CADM2: variants seen among roughly 807,000 people sequenced by gnomAD.
The protein encoded by CADM2 is cell adhesion molecule 2, also known as immunoglobulin superfamily member 4D.
In CADM2, 12 loss-of-function variants were observed where a neutral mutation model predicts 49.8. The observed-to-expected ratio is 0.24, with a 90% CI of 0.15 to 0.39. The LOEUF (loss-of-function observed/expected upper bound fraction) is 0.39, where lower values mean the gene tolerates loss of function less well. Among genes scored for constraint, CADM2 ranks in the 10% least tolerant of loss-of-function variants. CADM2 has a pLI of 1.00. For synonymous variants in CADM2, 214 were observed against 175.4 expected, an observed-to-expected ratio of 1.22 and a Z score of -1.74; for missense variants, 378 against 492.3, an observed-to-expected ratio of 0.77 and a Z score of 2.20.
intron 1 of CADM2, among the ~76,000 whole-genome samples, chr3:85,109,453 G>T (rs2038370423): frequency 6.6e-6 from 1 of 151,814 alleles, no homozygotes; most frequent in Admixed American, 6.6e-5. Flanking sequence ...GAAAAGTAGG[G>T]GGGGAAATAG....
intron 1 of CADM2, among the ~76,000 whole-genome samples, chr3:85,077,056 AAAC>A (rs1415611923): frequency 2.6e-5 from 4 of 152,212 alleles, no homozygotes; most frequent in Admixed American, 2.0e-4. Context: ...GCCTTAATCA[AAAC>A]AACTTGGGAA....
intron 2 of CADM2, among the ~76,000 whole-genome samples, chr3:85,732,014 A>G (rs1530705): frequency 0.94 from 140,263 of 149,838 alleles, 65,775 homozygotes; most frequent in East Asian, 1. Flanking sequence ...TTTGGAGGCC[A>G]AGGCAAGTGG....
intron 7 of CADM2, among the ~76,000 whole-genome samples, chr3:85,946,098 A>G (rs1374254109): frequency 1.3e-5 from 2 of 152,156 alleles, no homozygotes; most frequent in Non-Finnish European, 2.9e-5. Context: ...ATACAAAATC[A>G]ATGTACAAAA....
At chr3:85,921,987 C>G (rs1719178372) in intron 6 of CADM2, among the ~76,000 whole-genome samples, 1 of 152,070 alleles carries the variant, frequency 6.6e-6, no homozygotes, top group Non-Finnish European at 1.5e-5. Context: ...TCCTTTTTCA[C>G]CAGTACCTTA....
At chr3:85,501,662 C>A (rs1045451601) in intron 1 of CADM2, among the ~76,000 whole-genome samples, 5 of 151,998 alleles carry the variant, frequency 3.3e-5, no homozygotes, top group Non-Finnish European at 5.9e-5. Context: ...TATGTATTTA[C>A]ATATTCTTTT....
chr3:85,589,751 G>C (rs2063051619), intron 1 of CADM2, among the ~76,000 whole-genome samples: 1 of 151,808 alleles, frequency 6.6e-6, no homozygotes, highest in Non-Finnish European at 1.5e-5. Context: ...ATAATCATTG[G>C]CAATTTCCTG....
chr3:85,226,700 G>T (rs1271207306), intron 1 of CADM2, among the ~76,000 whole-genome samples: 3 of 151,770 alleles, frequency 2.0e-5, no homozygotes, highest in Non-Finnish European at 4.4e-5. Context: ...TGCTTCTCTA[G>T]TTCTTTTAAT....
intron 1 of CADM2, among the ~76,000 whole-genome samples, chr3:85,255,484 C>T (rs758325464): frequency 6.6e-6 from 1 of 151,908 alleles, no homozygotes; most frequent in African/African-American, 2.4e-5. Flanking sequence ...AATCTTGGCT[C>T]TAACACTTTG....
intron 1 of CADM2, among the ~76,000 whole-genome samples, chr3:85,350,353 C>A (rs1182975125): frequency 6.6e-6 from 1 of 152,062 alleles, no homozygotes; most frequent in Non-Finnish European, 1.5e-5. Flanking sequence ...TTAACATTTT[C>A]TAAAATTAAA....
At chr3:85,830,723 G>T (rs79817779) in intron 3 of CADM2, among the ~76,000 whole-genome samples, 6,504 of 151,612 alleles carry the variant, frequency 0.043, 487 homozygotes, top group African/African-American at 0.15. Context: ...TCTTTTGCAT[G>T]CTAATATCCA....
At chr3:85,080,474 C>T (rs2037120789) in intron 1 of CADM2, among the ~76,000 whole-genome samples, 3 of 152,018 alleles carry the variant, frequency 2.0e-5, no homozygotes, top group South Asian at 4.1e-4. Flanking sequence ...TCATAGACAT[C>T]AGATACATTA....
chr3:85,862,818 A>G (rs1304619905), intron 3 of CADM2, among the ~76,000 whole-genome samples: 1 of 152,174 alleles, frequency 6.6e-6, no homozygotes, highest in Non-Finnish European at 1.5e-5. Context: ...GTGAATTTGA[A>G]TGTTGATTAT....
At chr3:85,681,722 C>A (rs2066043959) in intron 1 of CADM2, among the ~76,000 whole-genome samples, 1 of 152,024 alleles carries the variant, frequency 6.6e-6, no homozygotes, top group Admixed American at 6.6e-5. Context: ...CCATTTTATT[C>A]CTATTAACCC....
chr3:86,036,534 A>G (rs1735188647), intron 8 of CADM2, among the ~76,000 whole-genome samples: 1 of 152,170 alleles, frequency 6.6e-6, no homozygotes, highest in Non-Finnish European at 1.5e-5. Context: ...TCTCTCTCCA[A>G]GGTGTTGGAC....
intron 1 of CADM2, among the ~76,000 whole-genome samples, chr3:85,364,775 G>A (rs1205648064): frequency 6.6e-6 from 1 of 152,060 alleles, no homozygotes; most frequent in Non-Finnish European, 1.5e-5. Flanking sequence ...AAAGCATCCT[G>A]GCAGACAGAT....
At chr3:85,591,985 CT>C (rs2107346459) in intron 1 of CADM2, among the ~76,000 whole-genome samples, 1 of 151,836 alleles carries the variant, frequency 6.6e-6, no homozygotes, top group Non-Finnish European at 1.5e-5. Flanking sequence ...AATCAGGTAA[CT>C]TCCTGGATTC....
chr3:86,054,430 T>A (rs1737682823), intron 8 of CADM2, among the ~76,000 whole-genome samples: 1 of 152,068 alleles, frequency 6.6e-6, no homozygotes, highest in Non-Finnish European at 1.5e-5. Flanking sequence ...GAAATAGTAT[T>A]GTGTGTCTAG....
At chr3:85,059,319 A>T (rs1319263268) in intron 1 of CADM2, among the ~76,000 whole-genome samples, 6 of 92,006 alleles carry the variant, frequency 6.5e-5, no homozygotes, top group South Asian at 3.3e-4. Context: ...ATAAAAAAAT[A>T]AAAAAAAAAA....
At chr3:85,572,609 C>A (rs1484270390) in intron 1 of CADM2, among the ~76,000 whole-genome samples, 2 of 152,078 alleles carry the variant, frequency 1.3e-5, no homozygotes, top group South Asian at 2.1e-4. Flanking sequence ...GTCCAAAGGC[C>A]TCAGAACAAG....
Sources: gnomAD v4.1 joint callset for allele counts (sites outside exome capture counted in the v4.1 genomes callset) on GRCh38, gnomAD v4.1.1 for gene constraint, MANE v1.5 for transcripts, NCBI Gene and HGNC (gene_info 2026-07-23, HGNC 2026-07-21) for gene names.